The following FBN2 variants were observed in gnomAD, a reference collection of about 807,000 sequenced individuals.
The protein encoded by FBN2 is fibrillin 2, also known as fibrillin-2.
Under a neutral mutation model 355.6 loss-of-function variants are expected in FBN2, and 105 were observed. The ratio of observed to expected loss-of-function variants is 0.30; its 90% CI spans 0.25 to 0.35. The LOEUF (loss-of-function observed/expected upper bound fraction) is 0.35. Among genes scored for constraint, FBN2 ranks in the 10% least tolerant of loss-of-function variants. The probability of loss-of-function intolerance (pLI) is 1.00; values close to 1 mark genes in which losing one functional copy is unlikely to be tolerated. For synonymous variants in FBN2, 1,350 were observed against 1,301.2 expected (o/e 1.04, Z -0.81); for missense variants, 3,280 against 3,758.7 (o/e 0.87, Z 3.33).
chr5:128,291,925 C>G (rs1209589097), intron 48 of FBN2, among the ~76,000 whole-genome samples: 2 of 152,108 alleles, frequency 1.3e-5, no homozygotes, highest in Non-Finnish European at 2.9e-5. Flanking sequence ...CTGACATGAA[C>G]AACTCCATGT....
intron 8 of FBN2, among the ~76,000 whole-genome samples, chr5:128,406,554 T>C (rs1208156491): frequency 6.6e-6 from 1 of 152,120 alleles, no homozygotes. Flanking sequence ...GGGGCCATGA[T>C]GAAGTATAAT....
intron 5 of FBN2, among the ~76,000 whole-genome samples, chr5:128,482,238 T>C (rs1364303418): frequency 6.6e-6 from 1 of 152,110 alleles, no homozygotes; most frequent in Non-Finnish European, 1.5e-5. Context: ...GATGTTTACT[T>C]TGTCTGAGTC....
At chr5:128,352,188 T>C (rs1270319484) in intron 20 of FBN2, among the ~76,000 whole-genome samples, 1 of 151,866 alleles carries the variant, frequency 6.6e-6, no homozygotes, top group African/African-American at 2.4e-5. Context: ...ATATCTGATG[T>C]ATTTTCTTTC....
chr5:128,514,592 ATTAGT>A (rs1481255157), intron 5 of FBN2, among the ~76,000 whole-genome samples: 1 of 152,182 alleles, frequency 6.6e-6, no homozygotes, highest in Non-Finnish European at 1.5e-5. Flanking sequence ...AAATTTAAAA[ATTAGT>A]TTAGTTACAC....
At chr5:128,483,947 G>T (rs1406117387) in intron 5 of FBN2, among the ~76,000 whole-genome samples, 1 of 152,142 alleles carries the variant, frequency 6.6e-6, no homozygotes, top group Non-Finnish European at 1.5e-5. Flanking sequence ...GTGCTGTGTT[G>T]TAACATTTTC....
chr5:128,431,254 C>T lies in FBN2; in HGVS notation c.952+15227G>A, dbSNP rs144079248. Among the ~76,000 whole-genome samples, 399 of 152,328 alleles carry T rather than the reference C, an allele frequency of 2.6e-3. 2 individuals are homozygous for T. Among genetic ancestry groups the T allele is most frequent in the African/African-American group, 9.2e-3 (384 of 41,576 alleles). On this transcript the variant is annotated intron_variant, in intron 7 of 64. Transcript: ENST00000262464. The stretch of plus-strand genomic sequence containing the variant: ...ACTTTCTGGCAAAAATAATAAGATC[C>T]TGAGTTCCTGTTTGACAACACTTAC...
At chr5:128,383,631 T>A (rs1449040966) in intron 11 of FBN2, among the ~76,000 whole-genome samples, 1 of 152,070 alleles carries the variant, frequency 6.6e-6, no homozygotes, top group Non-Finnish European at 1.5e-5. Flanking sequence ...AAAATAATTT[T>A]AAAATGGACC....
chr5:128,422,386 G>A (rs984660815), intron 7 of FBN2, among the ~76,000 whole-genome samples: 2 of 152,140 alleles, frequency 1.3e-5, no homozygotes, highest in African/African-American at 4.8e-5. Context: ...TGAGATAACT[G>A]GTATACACTA....
At chr5:128,314,150 C>T (rs1315802783) in intron 36 of FBN2, among the ~76,000 whole-genome samples, 1 of 152,032 alleles carries the variant, frequency 6.6e-6, no homozygotes, top group Non-Finnish European at 1.5e-5. Context: ...TCTTAGCAGT[C>T]TACAAAGTAA....
chr5:128,524,842 T>C (rs1175007677), intron 4 of FBN2, among the ~76,000 whole-genome samples: 2 of 152,170 alleles, frequency 1.3e-5, no homozygotes, highest in Non-Finnish European at 2.9e-5. Context: ...TTAAGGAAGA[T>C]GTCATCCCAT....
chr5:128,278,917 C>A, intron 56 of FBN2, 76 bp from the exon 57 acceptor site: 1 of 1,217,440 alleles, frequency 8.2e-7, no homozygotes, highest in Non-Finnish European at 1.2e-6. Flanking sequence ...TTAAGCAGGG[C>A]AGTCAAGAAT....
chr5:128,510,064 C>A (rs909957116), intron 5 of FBN2, among the ~76,000 whole-genome samples: 1 of 152,162 alleles, frequency 6.6e-6, no homozygotes, highest in Non-Finnish European at 1.5e-5. Flanking sequence ...TGTTTCCTCA[C>A]CAGGATTCTG....
chr5:128,447,251 C>T (rs1048294680), intron 6 of FBN2, among the ~76,000 whole-genome samples: 4 of 152,162 alleles, frequency 2.6e-5, no homozygotes, highest in African/African-American at 9.7e-5. Context: ...TTAGGTCTGG[C>T]TGCCTGAGAG....
intron 48 of FBN2, among the ~76,000 whole-genome samples, chr5:128,292,106 A>T (rs1440209091): frequency 1.3e-5 from 2 of 152,016 alleles, no homozygotes; most frequent in African/African-American, 2.4e-5. Flanking sequence ...CCTCCTCAGT[A>T]CTTCCACAGC....
At chr5:128,492,803 C>CAAA (rs578258680) in intron 5 of FBN2, among the ~76,000 whole-genome samples, 1 of 43,780 alleles carries the variant, frequency 2.3e-5, no homozygotes, top group South Asian at 9.4e-4. Flanking sequence ...AACTCCATCT[C>CAAA]AAAAAAAAAA....
intron 19 of FBN2, among the ~76,000 whole-genome samples, chr5:128,361,275 A>G (rs1191951344): frequency 6.6e-6 from 1 of 152,222 alleles, no homozygotes; most frequent in Non-Finnish European, 1.5e-5. Context: ...CTTAGTTCTC[A>G]AATATTTTGT....
intron 8 of FBN2, among the ~76,000 whole-genome samples, chr5:128,401,670 A>G (rs909320333): frequency 1.2e-4 from 19 of 152,192 alleles, no homozygotes; most frequent in Middle Eastern, 3.4e-3. Flanking sequence ...AGTCCCAGCT[A>G]CTTGGAAGGC....
chr5:128,489,581 A>T (rs2127123413), intron 5 of FBN2, among the ~76,000 whole-genome samples: 1 of 152,274 alleles, frequency 6.6e-6, no homozygotes, highest in South Asian at 2.1e-4. Context: ...TGATAAAATG[A>T]TTTTTTAAAT....
chr5:128,259,657 C>A lies in FBN2; in HGVS notation c.8537G>T (p.Arg2846Leu), dbSNP rs200345491. 1 of 1,613,922 alleles carries A rather than the reference C, an allele frequency of 6.2e-7. No individual in the cohort carries two copies. Among genetic ancestry groups the A allele is most frequent in the Admixed American group, 1.7e-5 (1 of 59,986 alleles). Reference protein sequence around the residue: ...ISQGNDDSVFRIHQRNGLSYL... With the variant: ...ISQGNDDSVFLIHQRNGLSYL... Reference sequence around the variant, plus strand: ...GCTGAGCCCATTCCTTTGGTGGATGCGGAAGACGCTGTCATCGTTCCCTTG... The same window carrying A: ...GCTGAGCCCATTCCTTTGGTGGATGAGGAAGACGCTGTCATCGTTCCCTTG... Residue 2846 changes from arginine (R) to leucine (L), a missense_variant, in exon 65 of 65, where the codon CGC (arginine) becomes CTC (leucine). Coordinates refer to ENST00000262464, the MANE Select transcript of FBN2 (RefSeq NM_001999.4).
Sources: gnomAD v4.1 joint callset for allele counts (sites outside exome capture counted in the v4.1 genomes callset) on GRCh38, gnomAD v4.1.1 for gene constraint, MANE v1.5 for transcripts, NCBI Gene and HGNC (gene_info 2026-07-23, HGNC 2026-07-21) for gene names.